Variants in DHX35 observed in about 807,000 individuals in gnomAD.
The protein encoded by DHX35 is probable ATP-dependent RNA helicase DHX35.
In DHX35, 84 loss-of-function variants were observed where a neutral mutation model predicts 99.6. That is an observed-to-expected ratio of 0.84 (90% CI 0.71 to 1.01). DHX35 has a LOEUF of 1.01. Among genes scored for constraint, DHX35 ranks in the 50% least tolerant of loss-of-function variants. The pLI, the probability that DHX35 is intolerant of heterozygous loss-of-function variation, is 0.00. For synonymous variants in DHX35, 331 were observed against 316.2 expected, an observed-to-expected ratio of 1.05 and a Z score of -0.50; for missense variants, 852 against 888.5, an observed-to-expected ratio of 0.96 and a Z score of 0.52.
At chr20:38,992,277 C>G in intron 6 of DHX35, 79 bp from the exon 7 acceptor site, 1 of 1,206,230 alleles carries the variant, frequency 8.3e-7, no homozygotes, top group Non-Finnish European at 1.2e-6. Flanking sequence ...ACTAAATACC[C>G]AGAAGCTCTT....
chr20:39,003,161 A>G (rs989751988), intron 10 of DHX35, among the ~76,000 whole-genome samples: 27 of 139,498 alleles, frequency 1.9e-4, no homozygotes, highest in East Asian at 1.3e-3. Flanking sequence ...AGAATTGGAT[A>G]CTACATTAGG....
intron 11 of DHX35, among the ~76,000 whole-genome samples, chr20:39,004,682 T>C (rs756593353): frequency 1.3e-5 from 2 of 152,216 alleles, no homozygotes; most frequent in Non-Finnish European, 2.9e-5. Context: ...GTGGAAAGCA[T>C]TGGTTTGAAG....
chr20:38,979,031 G>T (rs565683991), intron 3 of DHX35, among the ~76,000 whole-genome samples: 1 of 152,080 alleles, frequency 6.6e-6, no homozygotes, highest in East Asian at 1.9e-4. Context: ...TGGATTTTCT[G>T]TTCTGTTCCA....
intron 6 of DHX35, among the ~76,000 whole-genome samples, chr20:38,991,918 T>TCGA (rs1443729845): frequency 6.6e-6 from 1 of 152,212 alleles, no homozygotes; most frequent in East Asian, 1.9e-4. Context: ...ACCTAGGCTC[T>TCGA]GGTGTTCTCG....
chr20:39,033,745 G>T (rs532868484), intron 20 of DHX35, among the ~76,000 whole-genome samples: 1 of 152,324 alleles, frequency 6.6e-6, no homozygotes, highest in East Asian at 1.9e-4. Flanking sequence ...TGCAAGATGA[G>T]TTTTGACAAA....
At chr20:39,011,952 A>G (rs1318389142) in intron 13 of DHX35, among the ~76,000 whole-genome samples, 1 of 152,238 alleles carries the variant, frequency 6.6e-6, no homozygotes, top group Non-Finnish European at 1.5e-5. Context: ...GATATTATAA[A>G]GAAAAGATAA....
chr20:39,033,460 G>A (rs2087092545), intron 20 of DHX35, among the ~76,000 whole-genome samples: 2 of 152,100 alleles, frequency 1.3e-5, no homozygotes. Context: ...GTGCCCCCCA[G>A]TCACGGCCTC....
intron 8 of DHX35, among the ~76,000 whole-genome samples, chr20:38,999,448 C>T (rs1169281570): frequency 6.6e-6 from 1 of 152,178 alleles, no homozygotes; most frequent in Non-Finnish European, 1.5e-5. Flanking sequence ...CCAGCCTTAG[C>T]TGTCTGACAG....
intron 4 of DHX35, among the ~76,000 whole-genome samples, chr20:38,986,552 A>G (rs1450171683): frequency 1.3e-5 from 2 of 152,114 alleles, no homozygotes; most frequent in Non-Finnish European, 1.5e-5. Flanking sequence ...GTAGGTGTAT[A>G]TATATTTATG....
intron 16 of DHX35, among the ~76,000 whole-genome samples, chr20:39,022,150 A>G (rs1373113794): frequency 6.6e-6 from 1 of 152,022 alleles, no homozygotes; most frequent in African/African-American, 2.4e-5. Flanking sequence ...AGATATTATT[A>G]TCATATTTTA....
chr20:38,972,597 G>A lies in DHX35; in HGVS notation c.213G>A (p.Gln71=), dbSNP rs750653704. The A allele has an allele frequency of 6.2e-7, 1 of 1,612,896 alleles. No individual in the cohort carries two copies. The highest frequency in any genetic ancestry group is 8.5e-7 in the Non-Finnish European group (1 of 1,179,006). Residue 71 remains glutamine, a synonymous_variant, in exon 3 of 22, where the codon CAG becomes CAA. Coordinates refer to ENST00000252011, the MANE Select transcript of DHX35 (RefSeq NM_021931.4). ...TTTTATACTTGATAGAAAATTATCAGACAGTGGTGATTGTTGGTGAAACAG... is the reference window on the plus strand; with the variant it reads ...TTTTATACTTGATAGAAAATTATCAAACAGTGGTGATTGTTGGTGAAACAG... ...NHILYLIENY[Q]TVVIVGETGC...
chr20:39,027,906 T>C (rs1410632211), intron 18 of DHX35, among the ~76,000 whole-genome samples: 1 of 152,234 alleles, frequency 6.6e-6, no homozygotes, highest in Non-Finnish European at 1.5e-5. Flanking sequence ...ATGGAAGATG[T>C]TAGCTGTAGC....
chr20:39,018,650 C>T (rs957756422), intron 14 of DHX35, among the ~76,000 whole-genome samples, 154 bp from the exon 15 acceptor site: 3 of 151,548 alleles, frequency 2.0e-5, no homozygotes, highest in Admixed American at 6.6e-5. Context: ...GGTAATGGCA[C>T]TCTAGTGTCA....
At chr20:38,993,617 G>A (rs994099918) in intron 7 of DHX35, among the ~76,000 whole-genome samples, 2 of 151,796 alleles carry the variant, frequency 1.3e-5, no homozygotes, top group South Asian at 2.1e-4. Flanking sequence ...TGCCTGCCTC[G>A]GCCTCCCAAA....
Position 38,969,074 on chromosome 20 carries a change from G to A in DHX35, c.41-7G>A, listed in dbSNP as rs778096131. 2 of 1,581,110 alleles carry A rather than the reference G, an allele frequency of 1.3e-6. No homozygotes were observed. Among genetic ancestry groups the A allele is most frequent in the South Asian group, 1.1e-5 (1 of 87,146 alleles). ...GAGAATCTGAAAAAAAAACATTTCTGCTGCAGGTACAGAGGGGCCAGGTGT... is the reference window on the plus strand; with the variant it reads ...GAGAATCTGAAAAAAAAACATTTCTACTGCAGGTACAGAGGGGCCAGGTGT... On this transcript the variant is annotated splice_polypyrimidine_tract_variant and splice_region_variant and intron_variant, in intron 1 of 21. Coordinates refer to ENST00000252011, the MANE Select transcript of DHX35 (RefSeq NM_021931.4).
intron 1 of DHX35, 130 bp downstream of exon 1, chr20:38,962,537 G>C: frequency 8.4e-7 from 1 of 1,185,562 alleles, no homozygotes; most frequent in Non-Finnish European, 1.2e-6. Flanking sequence ...TGCCGCCTCT[G>C]TGCGGGGGGA....
chr20:39,007,970 G>A (rs2086644991), intron 12 of DHX35, among the ~76,000 whole-genome samples: 1 of 152,200 alleles, frequency 6.6e-6, no homozygotes, highest in Non-Finnish European at 1.5e-5. Flanking sequence ...AATGTTGTGT[G>A]ACCACTGCCT....
intron 14 of DHX35, among the ~76,000 whole-genome samples, chr20:39,015,274 A>G (rs1462043772): frequency 6.6e-6 from 1 of 152,078 alleles, no homozygotes; most frequent in African/African-American, 2.4e-5. Context: ...CCACCCAACA[A>G]CCACATCCTT....
chr20:39,018,972 AC>A (rs2086831263), intron 15 of DHX35, 73 bp downstream of exon 15: 2 of 1,395,820 alleles, frequency 1.4e-6, no homozygotes, highest in Non-Finnish European at 2.0e-6. Context: ...AATTCTGAGC[AC>A]CCTGGGGAAG....
Sources: gnomAD v4.1 joint callset for allele counts (sites outside exome capture counted in the v4.1 genomes callset) on GRCh38, gnomAD v4.1.1 for gene constraint, MANE v1.5 for transcripts, NCBI Gene and HGNC (gene_info 2026-07-23, HGNC 2026-07-21) for gene names.